MAGI1: variants seen among roughly 807,000 people sequenced by gnomAD.
MAGI1 encodes membrane-associated guanylate kinase, WW and PDZ domain-containing protein 1.
A neutral mutation model predicts 139.9 loss-of-function variants in MAGI1; 58 were observed. The ratio of observed to expected loss-of-function variants is 0.41; its 90% CI spans 0.34 to 0.52. The LOEUF (loss-of-function observed/expected upper bound fraction) is 0.52. Among genes scored for constraint, MAGI1 ranks in the 20% least tolerant of loss-of-function variants. The pLI is 0.12. For missense variants in MAGI1, 1,874 were observed against 1,901.6 expected (o/e 0.99, Z 0.27); for synonymous variants, 812 against 737.9 (o/e 1.10, Z -1.63).
chr3:65,612,511 A>AT (rs2083175836), intron 2 of MAGI1, among the ~76,000 whole-genome samples: 1 of 152,180 alleles, frequency 6.6e-6, no homozygotes, highest in African/African-American at 2.4e-5. Context: ...GCAATAAAAA[A>AT]ATATGTCATT....
At chr3:65,793,965 T>C (rs988348458) in intron 1 of MAGI1, among the ~76,000 whole-genome samples, 2 of 152,258 alleles carry the variant, frequency 1.3e-5, no homozygotes, top group Admixed American at 1.3e-4. Context: ...GACTAACCAC[T>C]GTAAACCTGC....
At chr3:65,908,942 T>C (rs956124287) in intron 1 of MAGI1, among the ~76,000 whole-genome samples, 4 of 152,194 alleles carry the variant, frequency 2.6e-5, no homozygotes, top group Non-Finnish European at 5.9e-5. Flanking sequence ...AATTTTTTAA[T>C]AAAAGTCATA....
chr3:65,409,401 G>C (rs755196730), intron 12 of MAGI1, among the ~76,000 whole-genome samples: 3 of 152,114 alleles, frequency 2.0e-5, no homozygotes, highest in Non-Finnish European at 2.9e-5. Flanking sequence ...GCATTTAATC[G>C]TGGGGTGGGG....
At chr3:65,446,290 C>T (rs1427418622) in intron 7 of MAGI1, among the ~76,000 whole-genome samples, 4 of 152,168 alleles carry the variant, frequency 2.6e-5, no homozygotes, top group East Asian at 1.9e-4. Context: ...GGGAGCTACT[C>T]TTTTGGCCCC....
At chr3:65,669,546 C>T (rs1204616444) in intron 1 of MAGI1, among the ~76,000 whole-genome samples, 3 of 152,218 alleles carry the variant, frequency 2.0e-5, no homozygotes. Flanking sequence ...AAGACCTTTG[C>T]TCTCGACCAG....
intron 2 of MAGI1, among the ~76,000 whole-genome samples, chr3:65,579,554 C>T (rs61661030): frequency 0.37 from 56,260 of 152,048 alleles, 11,578 homozygotes; most frequent in East Asian, 0.62. Flanking sequence ...CCATAAAGAA[C>T]TCTCTCACTG....
In MAGI1 at chr3:66,038,517, C is replaced by G; in HGVS notation, c.-209G>C. On this transcript the variant is annotated 5_prime_UTR_variant, in exon 1 of 23. Coordinates refer to ENST00000402939, the MANE Select transcript of MAGI1 (RefSeq NM_001033057.2). Reference sequence around the variant, plus strand: ...ACTTTCTGGGCTTCCCCGCGAGCCCCGCACAGGCGCCCGCGAGCTTTGTTT... The same window carrying G: ...ACTTTCTGGGCTTCCCCGCGAGCCCGGCACAGGCGCCCGCGAGCTTTGTTT... 6.3e-6 allele frequency: 4 copies of G among 637,548 alleles called. No individual in the cohort carries two copies. The highest frequency in any genetic ancestry group is 7.2e-6 in the Non-Finnish European group (3 of 415,104). The allele number at this position is 637,548 out of a possible 1,614,324, so 39.5% of individuals were successfully genotyped here.
At chr3:65,691,027 G>A (rs778177166) in intron 1 of MAGI1, among the ~76,000 whole-genome samples, 2 of 152,058 alleles carry the variant, frequency 1.3e-5, no homozygotes, top group Non-Finnish European at 2.9e-5. Flanking sequence ...GTTCAGCCTG[G>A]GTGTGGTGGC....
At chr3:65,846,723 A>G (rs2059011282) in intron 1 of MAGI1, among the ~76,000 whole-genome samples, 1 of 152,162 alleles carries the variant, frequency 6.6e-6, no homozygotes. Flanking sequence ...TGAGAGGTAA[A>G]GTAACTTACC....
chr3:65,869,308 A>C (rs2059841803), intron 1 of MAGI1, among the ~76,000 whole-genome samples: 1 of 151,544 alleles, frequency 6.6e-6, no homozygotes, highest in African/African-American at 2.4e-5. Context: ...TGTGTCATCT[A>C]TCCTACCCTA....
In MAGI1 at chr3:65,622,387, T is replaced by A. The variant is rs1445580200; in HGVS notation, c.314-299A>T. On this transcript the variant is annotated intron_variant, in intron 1 of 22. Coordinates refer to ENST00000402939, the MANE Select transcript of MAGI1 (RefSeq NM_001033057.2). Reference sequence around the variant, plus strand: ...ACATTTAAATATGTGCCATAGACACTTGCAGACACTATTACTAGAAGCATA... The same window carrying A: ...ACATTTAAATATGTGCCATAGACACATGCAGACACTATTACTAGAAGCATA... Among the ~76,000 whole-genome samples the A allele has an allele frequency of 2.6e-5, 4 of 152,222 alleles. No homozygotes were observed. The East Asian group carries it at 7.7e-4, about 29-fold the overall frequency.
Position 65,884,935 on chromosome 3 carries a change from T to C in MAGI1, c.313+153061A>G, listed in dbSNP as rs1039232890. ...ATCTAAAACCAAGTAATTCCACATG[T>C]AATATTTGTCTCAAGGAAATATTCA... On this transcript the variant is annotated intron_variant, in intron 1 of 22. Transcript: ENST00000402939. Among the ~76,000 whole-genome samples, 3 of 152,230 alleles carry C rather than the reference T, an allele frequency of 2.0e-5. No homozygotes were observed. In the East Asian group the frequency reaches 5.8e-4, roughly 29 times the overall value.
chr3:65,370,060 T>C (rs1327465476), intron 18 of MAGI1, among the ~76,000 whole-genome samples: 3 of 152,196 alleles, frequency 2.0e-5, no homozygotes, highest in African/African-American at 7.2e-5. Context: ...GCTCACTCTT[T>C]GTCTTCTGGG....
At chr3:66,025,793 A>C (rs2107573521) in intron 1 of MAGI1, among the ~76,000 whole-genome samples, 1 of 152,250 alleles carries the variant, frequency 6.6e-6, no homozygotes, top group South Asian at 2.1e-4. Context: ...CAATTCGGAC[A>C]TATTTTTCTG....
chr3:65,575,938 A>G (rs1205364828), intron 2 of MAGI1, among the ~76,000 whole-genome samples: 1 of 152,182 alleles, frequency 6.6e-6, no homozygotes, highest in East Asian at 1.9e-4. Flanking sequence ...AAAGGGGCAC[A>G]AGGACATTTT....
chr3:65,784,530 C>A (rs543753247), intron 1 of MAGI1, among the ~76,000 whole-genome samples: 2 of 152,214 alleles, frequency 1.3e-5, no homozygotes, highest in South Asian at 2.1e-4. Flanking sequence ...ACGGTGAAAC[C>A]CTGTCTCTAC....
At chr3:65,765,969 A>G (rs1174721605) in intron 1 of MAGI1, among the ~76,000 whole-genome samples, 2 of 152,192 alleles carry the variant, frequency 1.3e-5, no homozygotes, top group African/African-American at 4.8e-5. Context: ...TCATCTGATC[A>G]TCCCAGCCTC....
At position 65,950,078 on chromosome 3, in the gene MAGI1, CAA is replaced by C. The variant is rs751496271; in HGVS notation, c.313+87916_313+87917del. 5.6e-3 allele frequency among the ~76,000 whole-genome samples: 225 copies of C among 40,338 alleles called. 9 individuals are homozygous for C. Among genetic ancestry groups the C allele is most frequent in the Middle Eastern group, 0.02 (1 of 50 alleles). The allele number at this position is 40,338 out of a possible 152,430, so 26.5% of individuals were successfully genotyped here. On this transcript the variant is annotated intron_variant, in intron 1 of 22. Transcript: ENST00000402939. The stretch of plus-strand genomic sequence containing the variant: ...AAAAAACAAAAAAACAAAAAAAAAA[CAA>C]AAAAAAAAACAAACAAAAAAAAAAA...
In MAGI1 at chr3:65,819,875, C is replaced by CAAAA. The variant is rs3077818; in HGVS notation, c.314-197791_314-197788dup. ...CTAGCCACAGAGCAAGACTCCATCTCAAAAAAAAAAAAAAAAAAAAAAGGA... is the reference window on the plus strand; with the variant it reads ...CTAGCCACAGAGCAAGACTCCATCTCAAAAAAAAAAAAAAAAAAAAAAAAAAGGA... On this transcript the variant is annotated intron_variant, in intron 1 of 22. Coordinates refer to ENST00000402939, the MANE Select transcript of MAGI1 (RefSeq NM_001033057.2). 4.6e-3 allele frequency among the ~76,000 whole-genome samples: 154 copies of CAAAA among 33,412 alleles called. 9 individuals are homozygous for CAAAA. The highest frequency in any genetic ancestry group is 6.3e-3 in the East Asian group (7 of 1,112). The allele number at this position is 33,412 out of a possible 152,430, so 21.9% of individuals were successfully genotyped here.
Sources: allele counts gnomAD v4.1 joint callset (sites outside exome capture counted in the v4.1 genomes callset), GRCh38; gene constraint gnomAD v4.1.1; transcripts MANE v1.5; gene names NCBI Gene and HGNC (gene_info 2026-07-23, HGNC 2026-07-21).